PCDH9: variants seen among roughly 807,000 people sequenced by gnomAD.
The protein encoded by PCDH9 is protocadherin 9.
A neutral mutation model predicts 70.6 loss-of-function variants in PCDH9; 24 were observed. That is an observed-to-expected ratio of 0.34 (90% CI 0.25 to 0.48). The LOEUF (loss-of-function observed/expected upper bound fraction) is 0.48. Ranked by LOEUF, PCDH9 falls within the 20% of genes least tolerant of loss-of-function variation. The pLI is 0.99. For synonymous variants in PCDH9, 562 were observed against 558.5 expected, an observed-to-expected ratio of 1.01 and a Z score of -0.09; for missense variants, 1,281 against 1,503.6, an observed-to-expected ratio of 0.85 and a Z score of 2.45.
chr13:66,435,972 T>C (rs1027046014), intron 4 of PCDH9, among the ~76,000 whole-genome samples: 1 of 152,138 alleles, frequency 6.6e-6, no homozygotes, highest in Admixed American at 6.6e-5. Context: ...TTTTGCAATG[T>C]TAGGATGTGA....
intron 4 of PCDH9, among the ~76,000 whole-genome samples, chr13:66,498,296 C>T (rs991793486): frequency 3.9e-4 from 59 of 152,070 alleles, no homozygotes; most frequent in African/African-American, 1.3e-3. Context: ...AGGCGCCCAC[C>T]ACCACGCCCA....
At chr13:66,672,557 C>T (rs1481218757) in intron 3 of PCDH9, among the ~76,000 whole-genome samples, 1 of 152,194 alleles carries the variant, frequency 6.6e-6, no homozygotes, top group Non-Finnish European at 1.5e-5. Flanking sequence ...AGACAGCCAC[C>T]GTCCTCCAGA....
chr13:66,794,977 G>GCACACACACACACACACACA (rs71107002), intron 3 of PCDH9, among the ~76,000 whole-genome samples: 3 of 147,286 alleles, frequency 2.0e-5, no homozygotes, highest in Non-Finnish European at 4.5e-5. Flanking sequence ...ACACACACAG[G>GCACACACACACACACACACA]CACACACACA....
chr13:66,843,817 C>T (rs1032239470), intron 3 of PCDH9, among the ~76,000 whole-genome samples: 1 of 152,216 alleles, frequency 6.6e-6, no homozygotes, highest in African/African-American at 2.4e-5. Flanking sequence ...CTGCTGGTGA[C>T]AGTGTTTGGC....
At chr13:67,157,440 G>T (rs566738780) in intron 2 of PCDH9, among the ~76,000 whole-genome samples, 32 of 152,200 alleles carry the variant, frequency 2.1e-4, no homozygotes, top group African/African-American at 7.7e-4. Context: ...TATACTAAGG[G>T]CAAGTTTAAG....
chr13:66,906,907 T>C (rs568607946), intron 2 of PCDH9, among the ~76,000 whole-genome samples: 11 of 152,266 alleles, frequency 7.2e-5, no homozygotes, highest in African/African-American at 2.6e-4. Flanking sequence ...TAAAAAAAGA[T>C]TTATTTTAAA....
chr13:66,992,565 T>C (rs1463603432), intron 2 of PCDH9, among the ~76,000 whole-genome samples: 1 of 152,204 alleles, frequency 6.6e-6, no homozygotes, highest in Non-Finnish European at 1.5e-5. Flanking sequence ...CTCTTTTAAT[T>C]TTGCAACTCT....
chr13:66,419,348 T>C (rs1228554358), intron 4 of PCDH9, among the ~76,000 whole-genome samples: 1 of 151,830 alleles, frequency 6.6e-6, no homozygotes, highest in Non-Finnish European at 1.5e-5. Context: ...AGGTTATCCA[T>C]GGAGGATTCC....
intron 2 of PCDH9, chr13:67,201,907 A>G (rs2089222276): frequency 6.6e-6 from 1 of 152,042 alleles, no homozygotes. Flanking sequence ...AGGGTTTTAC[A>G]TTTATTATTA....
At chr13:67,033,123 A>G (rs1259990681) in intron 2 of PCDH9, among the ~76,000 whole-genome samples, 1 of 152,140 alleles carries the variant, frequency 6.6e-6, no homozygotes, top group Non-Finnish European at 1.5e-5. Flanking sequence ...AGGAGGCCAT[A>G]AACAGTCACC....
rs140692696 is a variant in PCDH9, at chr13:66,893,979, C to G, written c.3138+9525G>C. 2.2e-3 allele frequency among the ~76,000 whole-genome samples: 328 copies of G among 152,136 alleles called. 1 individual carries two copies. The highest frequency in any genetic ancestry group is 6.8e-3 in the Middle Eastern group (2 of 294). ...GTCTTTAGTCCTTCCGTTCAATTCC[C>G]TCATAAAATCCATTAGTTATTTCAT... is the stretch of plus-strand genomic sequence containing the variant. On this transcript the variant is annotated intron_variant, in intron 3 of 4. Coordinates refer to ENST00000377865, the MANE Select transcript of PCDH9 (RefSeq NM_203487.3).
At position 67,052,922 on chromosome 13, in the gene PCDH9, T is replaced by A. The variant is rs111570467; in HGVS notation, c.3037-149317A>T. 1.7e-3 allele frequency among the ~76,000 whole-genome samples: 252 copies of A among 152,202 alleles called. 1 individual carries two copies. The highest frequency in any genetic ancestry group is 5.9e-3 in the African/African-American group (245 of 41,540). On this transcript the variant is annotated intron_variant, in intron 2 of 4. Coordinates refer to ENST00000377865, the MANE Select transcript of PCDH9 (RefSeq NM_203487.3). The stretch of plus-strand genomic sequence containing the variant: ...AAGAATGAATTTGATGTGCTGCAGA[T>A]ATCCATATGGTGCTGCCCATATGGA...
chr13:66,826,824 A>C (rs1049812801), intron 3 of PCDH9, among the ~76,000 whole-genome samples: 3 of 152,172 alleles, frequency 2.0e-5, no homozygotes, highest in Non-Finnish European at 4.4e-5. Context: ...CAGAAAAAAC[A>C]ACAGAGAAAC....
At chr13:67,043,784 G>A (rs760808417) in intron 2 of PCDH9, among the ~76,000 whole-genome samples, 14 of 152,086 alleles carry the variant, frequency 9.2e-5, no homozygotes, top group Admixed American at 3.3e-4. Flanking sequence ...ACTAACTTTT[G>A]TGGCCATAGG....
At chr13:66,423,291 A>G (rs1001799567) in intron 4 of PCDH9, among the ~76,000 whole-genome samples, 2 of 152,088 alleles carry the variant, frequency 1.3e-5, no homozygotes, top group African/African-American at 4.8e-5. Flanking sequence ...CAAACAATAG[A>G]AAAAGGGGGA....
At chr13:66,477,524 A>G (rs147442586) in intron 4 of PCDH9, among the ~76,000 whole-genome samples, 1 of 152,272 alleles carries the variant, frequency 6.6e-6, no homozygotes, top group Non-Finnish European at 1.5e-5. Context: ...TTGGGTTTGA[A>G]TTATTTCAGA....
At chr13:66,851,195 A>G (rs74571873) in intron 3 of PCDH9, among the ~76,000 whole-genome samples, 4,628 of 152,298 alleles carry the variant, frequency 0.03, 240 homozygotes, top group African/African-American at 0.1. Context: ...GAATTCTGCA[A>G]CAAAAGCGTT....
chr13:67,114,764 G>C (rs1455374230), intron 2 of PCDH9, among the ~76,000 whole-genome samples: 1 of 152,160 alleles, frequency 6.6e-6, no homozygotes, highest in Non-Finnish European at 1.5e-5. Context: ...GATAAATGTA[G>C]AAAGTCAATA....
chr13:66,996,944 T>C (rs2084129417), intron 2 of PCDH9, among the ~76,000 whole-genome samples: 1 of 152,190 alleles, frequency 6.6e-6, no homozygotes, highest in African/African-American at 2.4e-5. Flanking sequence ...GGAATAGCAT[T>C]GTGCTTTGAA....
Sources: gnomAD v4.1 joint callset for allele counts (sites outside exome capture counted in the v4.1 genomes callset) on GRCh38, gnomAD v4.1.1 for gene constraint, MANE v1.5 for transcripts, NCBI Gene and HGNC (gene_info 2026-07-23, HGNC 2026-07-21) for gene names.